Variants in CDH4 observed in about 807,000 individuals in gnomAD.
CDH4 encodes the protein cadherin-4.
CDH4 carries 33 observed loss-of-function variants against 86.0 expected under a neutral mutation model. The observed-to-expected ratio is 0.38, with a 90% CI of 0.29 to 0.51. The LOEUF (loss-of-function observed/expected upper bound fraction) is 0.51, where lower values mean the gene tolerates loss of function less well. Among genes scored for constraint, CDH4 ranks in the 20% least tolerant of loss-of-function variants. CDH4 has a pLI of 0.86. For synonymous variants in CDH4, 555 were observed against 549.4 expected (o/e 1.01, Z -0.14); for missense variants, 1,114 against 1,307.4 (o/e 0.85, Z 2.28).
intron 2 of CDH4, among the ~76,000 whole-genome samples, chr20:61,375,483 T>A (rs2084861982): frequency 6.6e-6 from 1 of 151,422 alleles, no homozygotes; most frequent in Non-Finnish European, 1.5e-5. Flanking sequence ...GGTTTATTGA[T>A]GGCAGTGTGA....
chr20:61,720,538 G>A (rs1487342103), intron 2 of CDH4, among the ~76,000 whole-genome samples: 1 of 147,946 alleles, frequency 6.8e-6, no homozygotes, highest in Non-Finnish European at 1.5e-5. Flanking sequence ...GGGGTATGGG[G>A]TGCAGAGTGT....
intron 2 of CDH4, among the ~76,000 whole-genome samples, chr20:61,515,336 C>T (rs538187646): frequency 2.0e-5 from 3 of 152,166 alleles, no homozygotes; most frequent in Non-Finnish European, 2.9e-5. Context: ...GAAAGGACGC[C>T]GCAGTCCCCA....
chr20:61,323,045 G>A (rs1475127272), intron 2 of CDH4, among the ~76,000 whole-genome samples: 4 of 152,188 alleles, frequency 2.6e-5, no homozygotes, highest in Non-Finnish European at 5.9e-5. Flanking sequence ...CCAAGGGCCT[G>A]AGCTTATCTG....
chr20:61,492,382 TTGTTGATGTTAGTGG>T (rs2085632884), intron 2 of CDH4, among the ~76,000 whole-genome samples: 1 of 151,422 alleles, frequency 6.6e-6, no homozygotes, highest in African/African-American at 2.4e-5. Context: ...GGTGTCAATA[TTGTTGATGTTAGTGG>T]TGTTGATGGT....
At chr20:61,731,100 G>A (rs946138466) in intron 2 of CDH4, among the ~76,000 whole-genome samples, 29 of 152,040 alleles carry the variant, frequency 1.9e-4, no homozygotes, top group African/African-American at 6.8e-4. Flanking sequence ...ACCGGGAGAT[G>A]TCCTGGGGCC....
chr20:61,636,698 C>G (rs2086950424), intron 2 of CDH4, among the ~76,000 whole-genome samples: 1 of 152,238 alleles, frequency 6.6e-6, no homozygotes, highest in African/African-American at 2.4e-5. Flanking sequence ...CTCCCAGCGC[C>G]TGGAGGCTCC....
intron 2 of CDH4, among the ~76,000 whole-genome samples, chr20:61,467,889 A>G (rs2085482084): frequency 6.6e-6 from 1 of 152,148 alleles, no homozygotes; most frequent in Non-Finnish European, 1.5e-5. Flanking sequence ...TGTTATACTC[A>G]TGGTTACCAT....
chr20:61,924,329 C>T lies in CDH4; in HGVS notation c.1629-5C>T, dbSNP rs372522304. The T allele has an allele frequency of 4.1e-5, 66 of 1,612,230 alleles. No homozygotes were observed. The highest frequency in any genetic ancestry group is 2.7e-4 in the African/African-American group (20 of 74,936). ...TACCTCCCCCTGCACTTGTGGTCTC[C>T]GCAGATACTCAAAGCTGTCAGACCC... On this transcript the variant is annotated splice_polypyrimidine_tract_variant and splice_region_variant and intron_variant, in intron 10 of 15. Transcript: ENST00000614565.
intron 2 of CDH4, among the ~76,000 whole-genome samples, chr20:61,295,145 ATTT>A (rs1304467649): frequency 6.6e-6 from 1 of 152,240 alleles, no homozygotes; most frequent in East Asian, 1.9e-4. Context: ...TGTATTGATT[ATTT>A]GATGAATCAG....
chr20:61,380,023 G>A (rs1291096976), intron 2 of CDH4, among the ~76,000 whole-genome samples: 5 of 152,122 alleles, frequency 3.3e-5, no homozygotes, highest in Admixed American at 2.0e-4. Context: ...ATTGTCCTGG[G>A]AAGCTGTCCC....
In CDH4 at chr20:61,708,043, C is replaced by T. The variant is rs2087850904; in HGVS notation, c.170-35520C>T. ...ATCCACCAGTGCTGAGGAGAGGAGG[C>T]AGCCCAGCTGGCTGTGCCCTGGACC... is the stretch of plus-strand genomic sequence containing the variant. On this transcript the variant is annotated intron_variant, in intron 2 of 15. Transcript: ENST00000614565. The surrounding 1 kb of genome is among the most constrained non-coding windows in gnomAD (Gnocchi z 4.5). Among the ~76,000 whole-genome samples the T allele has an allele frequency of 3.3e-5, 5 of 152,150 alleles. No homozygotes were observed. The highest frequency in any genetic ancestry group is 3.3e-4 in the Admixed American group (5 of 15,278).
At chr20:61,757,735 T>G (rs1345296524) in intron 3 of CDH4, among the ~76,000 whole-genome samples, 1 of 151,904 alleles carries the variant, frequency 6.6e-6, no homozygotes, top group East Asian at 1.9e-4. Flanking sequence ...ATGTGGAGGG[T>G]GTCAGGGATA....
chr20:61,691,496 T>C (rs187020115), intron 2 of CDH4, among the ~76,000 whole-genome samples: 2 of 152,192 alleles, frequency 1.3e-5, no homozygotes, highest in East Asian at 1.9e-4. Flanking sequence ...TAGATGTAGA[T>C]ATTAGGGACA....
intron 2 of CDH4, among the ~76,000 whole-genome samples, chr20:61,661,790 A>G (rs1017039914): frequency 1.3e-5 from 2 of 151,892 alleles, no homozygotes; most frequent in Non-Finnish European, 2.9e-5. Flanking sequence ...TTCACCAAAC[A>G]CTGACGCGGC....
intron 2 of CDH4, among the ~76,000 whole-genome samples, chr20:61,477,925 C>T (rs1489882365): frequency 1.3e-5 from 2 of 152,234 alleles, no homozygotes; most frequent in Non-Finnish European, 2.9e-5. Context: ...ATCCCTCTCT[C>T]TCTCCGTCTT....
chr20:61,919,160 C>T (rs763166613), intron 9 of CDH4, among the ~76,000 whole-genome samples: 3 of 152,218 alleles, frequency 2.0e-5, no homozygotes, highest in South Asian at 2.1e-4. Flanking sequence ...CATGAGCCAC[C>T]GCACCTGGCC....
chr20:61,902,142 C>G lies in CDH4; in HGVS notation c.1188+7095C>G, dbSNP rs531517745. The stretch of plus-strand genomic sequence containing the variant: ...AATTCAAACCATGACGTGTTCAGTC[C>G]TTGGAGTTCCAGAATCGTGAAAGGC... On this transcript the variant is annotated intron_variant, in intron 8 of 15. Transcript: ENST00000614565. This position sits in a 1 kb window ranked among gnomAD's most constrained non-coding sequence, Gnocchi z 4.6. Among the ~76,000 whole-genome samples the G allele has an allele frequency of 2.0e-5, 3 of 152,348 alleles. No individual in the cohort carries two copies. Among genetic ancestry groups the G allele is most frequent in the Non-Finnish European group, 4.4e-5 (3 of 68,036 alleles).
intron 2 of CDH4, among the ~76,000 whole-genome samples, chr20:61,725,425 C>T (rs1212230217): frequency 3.9e-5 from 6 of 152,168 alleles, no homozygotes; most frequent in African/African-American, 9.6e-5. Flanking sequence ...TGTGGCTTCG[C>T]GCTGCCTGGG....
chr20:61,624,691 C>T (rs1246805819), intron 2 of CDH4, among the ~76,000 whole-genome samples: 1 of 152,186 alleles, frequency 6.6e-6, no homozygotes, highest in Non-Finnish European at 1.5e-5. Flanking sequence ...AGAACTGGAC[C>T]AGGGGCCCAG....
Sources: gnomAD v4.1 joint callset for allele counts (sites outside exome capture counted in the v4.1 genomes callset) on GRCh38, gnomAD v4.1.1 for gene constraint, Gnocchi (gnomAD v3.1) non-coding constraint, MANE v1.5 for transcripts, NCBI Gene and HGNC (gene_info 2026-07-23, HGNC 2026-07-21) for gene names.